Variants in ERCC6 observed in about 807,000 individuals in gnomAD.
ERCC6 encodes the protein DNA excision repair protein ERCC-6.
A neutral mutation model predicts 158.7 loss-of-function variants in ERCC6; 116 were observed. The ratio of observed to expected loss-of-function variants is 0.73; its 90% CI spans 0.63 to 0.85. ERCC6 has a LOEUF of 0.85. Ranked by LOEUF, ERCC6 falls within the 40% of genes least tolerant of loss-of-function variation. The probability of loss-of-function intolerance (pLI) is 0.00; values close to 1 mark genes in which losing one functional copy is unlikely to be tolerated. For missense variants in ERCC6, 1,698 were observed against 1,799.4 expected (o/e 0.94, Z 1.02); for synonymous variants, 678 against 659.3 (o/e 1.03, Z -0.43).
chr10:49,515,478 G>A, intron 5 of ERCC6: 1 of 1,614,150 alleles, frequency 6.2e-7, no homozygotes, highest in Non-Finnish European at 8.5e-7. Flanking sequence ...ATCATAACGT[G>A]AGTCAATGTT....
the ERCC6 span, among the ~76,000 whole-genome samples, chr10:49,437,989 T>C: frequency 6.6e-6 from 1 of 152,230 alleles, no homozygotes; most frequent in African/African-American, 2.4e-5. Flanking sequence ...ACAATGTAAA[T>C]GCTAGGCAAA....
chr10:49,460,256 T>G, intron 20 of ERCC6, 117 bp downstream of exon 20: 2 of 752,698 alleles, frequency 2.7e-6, no homozygotes, highest in African/African-American at 1.7e-5. Context: ...AACACAAATA[T>G]CAGGTGTCAT....
chr10:49,515,511 T>A, intron 5 of ERCC6: 4 of 1,614,186 alleles, frequency 2.5e-6, no homozygotes, highest in Non-Finnish European at 8.5e-7. Flanking sequence ...TCTTCCTTTT[T>A]GGCCAGGTTC....
intron 6 of ERCC6, chr10:49,505,267 A>T (rs1412319151): frequency 1.3e-5 from 2 of 152,658 alleles, no homozygotes; most frequent in African/African-American, 4.8e-5. Context: ...TCTATCAGGC[A>T]GCATCCGGTC....
chr10:49,468,419 C>T (rs889146341), intron 18 of ERCC6, among the ~76,000 whole-genome samples: 2 of 152,162 alleles, frequency 1.3e-5, no homozygotes, highest in Non-Finnish European at 2.9e-5. Context: ...CTGGAGAGCT[C>T]AGTTCATTTG....
In ERCC6 at chr10:49,508,576, A is replaced by G. The variant is rs4253085; in HGVS notation, c.1398-2564T>C. On this transcript the variant is annotated intron_variant, in intron 5 of 20. Coordinates refer to ENST00000355832, the MANE Select transcript of ERCC6 (RefSeq NM_000124.4). Reference sequence around the variant, plus strand: ...AGGATGACTAAAAGTGGTGGGGAAAATCATTATTGCCTGCAAGTATTTGTA... The same window carrying G: ...AGGATGACTAAAAGTGGTGGGGAAAGTCATTATTGCCTGCAAGTATTTGTA... Among the ~76,000 whole-genome samples, 214 of 152,330 alleles carry G rather than the reference A, an allele frequency of 1.4e-3. 1 individual carries two copies. The highest frequency in any genetic ancestry group is 4.8e-3 in the African/African-American group (201 of 41,580).
At chr10:49,466,347 T>C (rs926091635) in intron 18 of ERCC6, among the ~76,000 whole-genome samples, 14 of 152,170 alleles carry the variant, frequency 9.2e-5, no homozygotes, top group Non-Finnish European at 1.6e-4. Context: ...TATCCTAGGA[T>C]TGACAAGTAA....
At chr10:49,510,204 G>A (rs996497904) in intron 5 of ERCC6, among the ~76,000 whole-genome samples, 1 of 152,096 alleles carries the variant, frequency 6.6e-6, no homozygotes, top group Non-Finnish European at 1.5e-5. Context: ...TCCCCCAGTT[G>A]TAACCTATTA....
At chr10:49,528,641 C>T (rs1251408925) in intron 3 of ERCC6, 116 bp from the exon 4 acceptor site, 78 of 1,310,496 alleles carry the variant, frequency 6.0e-5, no homozygotes, top group Admixed American at 8.5e-5. Context: ...AAATAATATA[C>T]ATTACATAAA....
At position 49,520,499 on chromosome 10, in the gene ERCC6, C is replaced by T. The variant is rs532696862; in HGVS notation, c.1397+3534G>A. Among the ~76,000 whole-genome samples the T allele has an allele frequency of 8.5e-5, 13 of 152,292 alleles. No individual in the cohort carries two copies. In the East Asian group the frequency reaches 2.5e-3, roughly 29 times the overall value. ...AAACATATCTGGAAATGCATTTTCT[C>T]ACTCAGGATGCAACCCATCTATGCC... On this transcript the variant is annotated intron_variant, in intron 5 of 20. Transcript: ENST00000355832.
At chr10:49,501,231 A>G (rs1489983469) in intron 6 of ERCC6, 1 of 158,316 alleles carries the variant, frequency 6.3e-6, no homozygotes, top group Non-Finnish European at 1.4e-5. Context: ...TTAAGGCCAT[A>G]AACAAGTCTG....
At chr10:49,524,876 TAACTC>T in intron 4 of ERCC6, 99 bp from the exon 5 acceptor site, 3 of 1,545,928 alleles carry the variant, frequency 1.9e-6, no homozygotes, top group Non-Finnish European at 2.6e-6. Flanking sequence ...CAGCTACAAA[TAACTC>T]ATATAAAAAA....
chr10:49,452,156 AGTTT>A (rs1306793610), downstream of ERCC6, among the ~76,000 whole-genome samples: 4 of 150,858 alleles, frequency 2.7e-5, no homozygotes, highest in South Asian at 2.1e-4. Flanking sequence ...CTTTAGGTTT[AGTTT>A]GTTCTTCTTT....
chr10:49,500,716 CAAGAA>C lies in ERCC6; in HGVS notation c.1527-25_1527-21del. The C allele has an allele frequency of 6.2e-7, 1 of 1,612,790 alleles. No individual in the cohort carries two copies. The highest frequency in any genetic ancestry group is 1.1e-5 in the South Asian group (1 of 91,050). On this transcript the variant is annotated intron_variant, in intron 6 of 20. Transcript: ENST00000355832. ...TGGTACCTATGACAACAAACACCAA[CAAGAA>C]AAGAGAAAATGGCAAATGGTGGATA...
At chr10:49,520,464 G>C (rs1025265420) in intron 5 of ERCC6, among the ~76,000 whole-genome samples, 9 of 152,212 alleles carry the variant, frequency 5.9e-5, no homozygotes, top group African/African-American at 1.9e-4. Flanking sequence ...CTGCCAGCAA[G>C]AAGAGACAAA....
chr10:49,504,477 T>C (rs983904140), intron 6 of ERCC6: 3 of 152,200 alleles, frequency 2.0e-5, no homozygotes, highest in Admixed American at 6.6e-5. Flanking sequence ...CTGACATTTA[T>C]ACAAAAATGC....
intron 6 of ERCC6, chr10:49,503,835 C>T (rs1253480880): frequency 6.6e-6 from 1 of 151,920 alleles, no homozygotes; most frequent in Non-Finnish European, 1.5e-5. Context: ...TTCTGCTATC[C>T]CTTGAGACTG....
chr10:49,493,338 CAAAAAACTTAGTTCA>C, intron 7 of ERCC6, 86 bp from the exon 8 acceptor site: 1 of 1,528,602 alleles, frequency 6.5e-7, no homozygotes, highest in Non-Finnish European at 9.0e-7. Context: ...AAACAACAAA[CAAAAAACTTAGTTCA>C]AAAAAACAAT....
chr10:49,516,529 G>A (rs1836970740), intron 5 of ERCC6: 1 of 1,613,910 alleles, frequency 6.2e-7, no homozygotes, highest in Non-Finnish European at 8.5e-7. Context: ...CGCCTTCTAG[G>A]AACTGAGACA....
Sources: allele counts gnomAD v4.1 joint callset (sites outside exome capture counted in the v4.1 genomes callset), GRCh38; gene constraint gnomAD v4.1.1; transcripts MANE v1.5; gene names NCBI Gene and HGNC (gene_info 2026-07-23, HGNC 2026-07-21).